The following VPS13B variants were observed in gnomAD, a reference collection of about 807,000 sequenced individuals.
VPS13B encodes intermembrane lipid transfer protein VPS13B.
VPS13B carries 285 observed loss-of-function variants against 426.4 expected under a neutral mutation model. The ratio of observed to expected loss-of-function variants is 0.67; its 90% CI spans 0.61 to 0.74. The LOEUF is 0.74. VPS13B is among the 30% of genes least tolerant of loss of function. The pLI is 0.00. For missense variants in VPS13B, 4,537 were observed against 4,782.6 expected (o/e 0.95, Z 1.51); for synonymous variants, 1,676 against 1,676.4 (o/e 1.00, Z 0.01).
chr8:99,271,010 T>C lies in VPS13B; in HGVS notation c.2516-3188T>C, dbSNP rs1818561737. Among the ~76,000 whole-genome samples the C allele has an allele frequency of 2.0e-5, 3 of 152,268 alleles. No individual in the cohort carries two copies. The South Asian group carries it at 6.2e-4, about 32-fold the overall frequency. On this transcript the variant is annotated intron_variant, in intron 17 of 61. Transcript: ENST00000357162. ...AAATCCTTATTTCTCCAATCCTTTT[T>C]TAAATATATATATAGAATGAAAATA...
At chr8:99,563,516 T>A (rs1484335562) in intron 31 of VPS13B, among the ~76,000 whole-genome samples, 1 of 152,130 alleles carries the variant, frequency 6.6e-6, no homozygotes, top group East Asian at 1.9e-4. Flanking sequence ...ATCATTCATT[T>A]CTCTTTTTAA....
At chr8:99,066,155 A>G (rs1844493739) in intron 3 of VPS13B, among the ~76,000 whole-genome samples, 1 of 152,278 alleles carries the variant, frequency 6.6e-6, no homozygotes, top group African/African-American at 2.4e-5. Flanking sequence ...AAACTACTTT[A>G]AAGTTCATAT....
intron 5 of VPS13B, among the ~76,000 whole-genome samples, chr8:99,106,338 G>A (rs1423494806): frequency 6.6e-6 from 1 of 150,906 alleles, no homozygotes; most frequent in African/African-American, 2.4e-5. Context: ...GGGAGGCTGA[G>A]GCAGGAGAAT....
At chr8:99,270,331 G>T (rs1227581810) in intron 17 of VPS13B, among the ~76,000 whole-genome samples, 1 of 150,936 alleles carries the variant, frequency 6.6e-6, no homozygotes, top group Non-Finnish European at 1.5e-5. Flanking sequence ...TATAGATGTG[G>T]TTTCTCCACA....
intron 16 of VPS13B, among the ~76,000 whole-genome samples, chr8:99,185,030 A>G (rs182826262): frequency 3.2e-4 from 49 of 152,330 alleles, no homozygotes; most frequent in Middle Eastern, 3.4e-3. Flanking sequence ...TGGATGTTGA[A>G]AAAGATACTC....
chr8:99,242,130 G>A (rs1038611280), intron 17 of VPS13B, among the ~76,000 whole-genome samples: 2 of 152,034 alleles, frequency 1.3e-5, no homozygotes, highest in Middle Eastern at 3.2e-3. Flanking sequence ...ACAGGCGTCC[G>A]CCACCATGGC....
intron 19 of VPS13B, among the ~76,000 whole-genome samples, chr8:99,338,349 T>A (rs1247464268): frequency 6.6e-6 from 1 of 152,130 alleles, no homozygotes; most frequent in Non-Finnish European, 1.5e-5. Flanking sequence ...CTCATCATTT[T>A]TTTGGGTCTT....
At chr8:99,643,306 C>T (rs1829447047) in intron 34 of VPS13B, among the ~76,000 whole-genome samples, 1 of 152,132 alleles carries the variant, frequency 6.6e-6, no homozygotes, top group Non-Finnish European at 1.5e-5. Context: ...AGGAATAGTT[C>T]AGGCATTTTA....
intron 14 of VPS13B, among the ~76,000 whole-genome samples, chr8:99,148,405 A>C (rs1184911710): frequency 1.3e-5 from 2 of 151,782 alleles, no homozygotes; most frequent in Admixed American, 1.3e-4. Context: ...CTGCTTATAT[A>C]GTTATCCATG....
At chr8:99,093,747 T>C (rs983498030) in intron 3 of VPS13B, among the ~76,000 whole-genome samples, 1 of 152,124 alleles carries the variant, frequency 6.6e-6, no homozygotes, top group Non-Finnish European at 1.5e-5. Context: ...CCATGGTGTA[T>C]ATGTGCCACA....
chr8:99,865,930 G>C (rs1165330664), intron 58 of VPS13B, among the ~76,000 whole-genome samples: 3 of 152,208 alleles, frequency 2.0e-5, no homozygotes, highest in African/African-American at 4.8e-5. Flanking sequence ...CACAGAAAGA[G>C]GTAAGGGAAG....
chr8:99,507,705 T>C, intron 28 of VPS13B: 1 of 1,609,220 alleles, frequency 6.2e-7, no homozygotes, highest in Non-Finnish European at 8.5e-7. Flanking sequence ...CCAGATATTT[T>C]TTTGCTTATG....
intron 21 of VPS13B, among the ~76,000 whole-genome samples, chr8:99,400,256 C>G (rs192127761): frequency 2.0e-5 from 3 of 152,134 alleles, no homozygotes; most frequent in African/African-American, 7.2e-5. Context: ...AAACTTGGAA[C>G]AAAACAACAA....
intron 43 of VPS13B, among the ~76,000 whole-genome samples, chr8:99,787,577 G>T (rs1812330867): frequency 6.6e-6 from 1 of 152,144 alleles, no homozygotes; most frequent in African/African-American, 2.4e-5. Context: ...TAACCAGCAA[G>T]GGACTGGTCT....
chr8:99,307,702 T>C (rs1001146914), intron 19 of VPS13B, among the ~76,000 whole-genome samples: 18 of 152,076 alleles, frequency 1.2e-4, no homozygotes, highest in African/African-American at 4.1e-4. Flanking sequence ...TGTTTATCTG[T>C]TAAAAACCTT....
At position 99,754,080 on chromosome 8, in the gene VPS13B, TA is replaced by T. The variant is rs1276663545; in HGVS notation, c.7051-12692del. 5.5e-5 allele frequency among the ~76,000 whole-genome samples: 8 copies of T among 145,632 alleles called. No individual in the cohort carries two copies. In the East Asian group the frequency reaches 1.7e-3, roughly 30 times the overall value. On this transcript the variant is annotated intron_variant, in intron 39 of 61. Coordinates refer to ENST00000357162, the MANE Select transcript of VPS13B (RefSeq NM_152564.5). Reference sequence around the variant, plus strand: ...GGTTTCTCAACTGGTTCCAATAGTATAAGGGTTTTTTTTTTTTTTTTTTTGG... The same window carrying T: ...GGTTTCTCAACTGGTTCCAATAGTATAGGGTTTTTTTTTTTTTTTTTTTGG...
At chr8:99,863,458 A>C (rs1179860686) in intron 58 of VPS13B, among the ~76,000 whole-genome samples, 1 of 152,062 alleles carries the variant, frequency 6.6e-6, no homozygotes, top group African/African-American at 2.4e-5. Flanking sequence ...GCTCCACCCC[A>C]GCCCTTATAG....
intron 2 of VPS13B, among the ~76,000 whole-genome samples, chr8:99,024,001 A>G (rs1015242824): frequency 1.3e-5 from 2 of 152,182 alleles, no homozygotes; most frequent in African/African-American, 2.4e-5. Flanking sequence ...TAATGGCTGT[A>G]CTAATATATG....
intron 19 of VPS13B, among the ~76,000 whole-genome samples, chr8:99,383,264 T>C (rs1813925667): frequency 6.6e-6 from 1 of 152,190 alleles, no homozygotes; most frequent in African/African-American, 2.4e-5. Context: ...CCTTTCTCTT[T>C]GCTTTTGAAC....
Sources: gnomAD v4.1 joint callset for allele counts (sites outside exome capture counted in the v4.1 genomes callset) on GRCh38, gnomAD v4.1.1 for gene constraint, MANE v1.5 for transcripts, NCBI Gene and HGNC (gene_info 2026-07-23, HGNC 2026-07-21) for gene names.